ZSCAN25: variants seen among roughly 807,000 people sequenced by gnomAD.
The protein encoded by ZSCAN25 is zinc finger and SCAN domain-containing protein 25.
Under a neutral mutation model 38.7 loss-of-function variants are expected in ZSCAN25, and 27 were observed. That is an observed-to-expected ratio of 0.70 (90% CI 0.51 to 0.96). The LOEUF (loss-of-function observed/expected upper bound fraction) is 0.96. ZSCAN25 is among the 40% of genes least tolerant of loss of function. The pLI, the probability that ZSCAN25 is intolerant of heterozygous loss-of-function variation, is 0.00. For missense variants in ZSCAN25, 637 were observed against 705.9 expected (o/e 0.90, Z 1.11); for synonymous variants, 273 against 277.7 (o/e 0.98, Z 0.17).
At chr7:99,663,249 T>G in the ZSCAN25 span, 8 of 1,051,630 alleles carry the variant, frequency 7.6e-6, no homozygotes, top group Non-Finnish European at 9.2e-6. Flanking sequence ...ACCTTTTTCT[T>G]CAGCAGTGTC....
rs74743540 is a variant in ZSCAN25, at chr7:99,625,794, C to T, written c.805+1614C>T. On this transcript the variant is annotated intron_variant, in intron 7 of 7. Coordinates refer to ENST00000394152, the MANE Select transcript of ZSCAN25 (RefSeq NM_145115.3). ...GACTGTTCTGGAGACTGGTTCTGTC[C>T]TTGTCCCCTCACCAGCTCAGTGTCT... 4.3e-3 allele frequency among the ~76,000 whole-genome samples: 654 copies of T among 152,274 alleles called. 7 individuals are homozygous for T. The highest frequency in any genetic ancestry group is 0.015 in the African/African-American group (617 of 41,546).
the ZSCAN25 span, chr7:99,666,774 T>C: frequency 6.2e-7 from 1 of 1,605,386 alleles, no homozygotes; most frequent in Non-Finnish European, 8.5e-7. Context: ...CATGGAGCAG[T>C]AAGTGACATT....
the ZSCAN25 span, among the ~76,000 whole-genome samples, chr7:99,707,184 C>T: frequency 6.6e-6 from 1 of 152,158 alleles, no homozygotes; most frequent in African/African-American, 2.4e-5. Flanking sequence ...TTGGTTGGAG[C>T]TAGGCACCTG....
the ZSCAN25 span, chr7:99,672,854 C>A: frequency 2.1e-6 from 3 of 1,415,854 alleles, no homozygotes; most frequent in Middle Eastern, 1.9e-4. Flanking sequence ...AAGAGTCTCA[C>A]ACAGGAGCCA....
the ZSCAN25 span, among the ~76,000 whole-genome samples, chr7:99,712,443 CA>C: frequency 6.6e-6 from 1 of 152,130 alleles, no homozygotes; most frequent in Non-Finnish European, 1.5e-5. Flanking sequence ...AAATTTTATT[CA>C]ATTAAACTTA....
chr7:99,718,186 T>C, the ZSCAN25 span, among the ~76,000 whole-genome samples: 1 of 152,094 alleles, frequency 6.6e-6, no homozygotes, highest in African/African-American at 2.4e-5. Context: ...GATGAGTTAA[T>C]GAGTACAGCA....
chr7:99,711,590 G>T, the ZSCAN25 span, among the ~76,000 whole-genome samples: 1 of 152,276 alleles, frequency 6.6e-6, no homozygotes. Flanking sequence ...CCAACATGGA[G>T]AAACCCCTTC....
At chr7:99,675,294 A>G in the ZSCAN25 span, among the ~76,000 whole-genome samples, 27 of 152,362 alleles carry the variant, frequency 1.8e-4, no homozygotes, top group Admixed American at 1.3e-3. Context: ...TTCAGCTGTG[A>G]TGTTTTAACC....
intron 3 of ZSCAN25, 22 bp from the exon 4 acceptor site, chr7:99,619,539 A>G: frequency 6.6e-7 from 1 of 1,514,148 alleles, no homozygotes; most frequent in Non-Finnish European, 8.9e-7. Context: ...CTGACCTTTC[A>G]TGTGTCTCTT....
At chr7:99,667,116 T>C in the ZSCAN25 span, 5 of 1,527,484 alleles carry the variant, frequency 3.3e-6, no homozygotes, top group Non-Finnish European at 4.5e-6. Flanking sequence ...GTGATCTTCA[T>C]GGTTGCACAA....
chr7:99,717,672 A>C, the ZSCAN25 span: 1 of 1,611,384 alleles, frequency 6.2e-7, no homozygotes, highest in Non-Finnish European at 8.5e-7. Context: ...TTTGTCCTAC[A>C]TCAGTTGTGG....
At chr7:99,636,270 T>C (rs1327191127), downstream of ZSCAN25, among the ~76,000 whole-genome samples, 1 of 152,192 alleles carries the variant, frequency 6.6e-6, no homozygotes, top group African/African-American at 2.4e-5. Flanking sequence ...TTCTTAGATG[T>C]GTTTATTAGC....
chr7:99,646,917 A>G, the ZSCAN25 span, among the ~76,000 whole-genome samples: 6 of 151,522 alleles, frequency 4.0e-5, no homozygotes, highest in Admixed American at 3.9e-4. Flanking sequence ...TCATCTGTCT[A>G]TCTATCCATC....
the ZSCAN25 span, chr7:99,714,716 C>G: frequency 6.2e-7 from 1 of 1,602,458 alleles, no homozygotes; most frequent in Non-Finnish European, 8.5e-7. Context: ...AAAACGAAAC[C>G]ATTGTGAACA....
chr7:99,660,455 A>G, the ZSCAN25 span: 1 of 1,538,172 alleles, frequency 6.5e-7, no homozygotes, highest in Non-Finnish European at 8.7e-7. Context: ...CATTTTTGCT[A>G]AGGCTTCACC....
rs778370086 is a variant in ZSCAN25, at chr7:99,629,424, C to G, written c.1039C>G (p.Pro347Ala). The change falls in exon 8 of 8, where the codon CCT (proline) becomes GCT (alanine). Residue 347 changes from proline (P) to alanine (A), a missense_variant. Pro to Ala is a conservative substitution (Grantham distance 27). Coordinates refer to ENST00000394152, the MANE Select transcript of ZSCAN25 (RefSeq NM_145115.3). This position sits in a 1 kb window ranked among gnomAD's most constrained non-coding sequence, Gnocchi z 5.6. The stretch of plus-strand genomic sequence containing the variant: ...CAAAACCCACAGCTCCTTCTGGAAG[C>G]CTTTCCAGTGCCCTGAGTGTGGGAA... ...EVKTHSSFWK[P>A]FQCPECGKGF... 6.2e-7 allele frequency: 1 copy of G among 1,614,106 alleles called. No homozygotes were observed. The highest frequency in any genetic ancestry group is 1.3e-5 in the African/African-American group (1 of 74,942).
the ZSCAN25 span, chr7:99,722,375 C>T: frequency 1.9e-6 from 3 of 1,610,834 alleles, no homozygotes; most frequent in Admixed American, 3.3e-5. Flanking sequence ...AATAATATTT[C>T]ATTATTATTT....
the ZSCAN25 span, among the ~76,000 whole-genome samples, chr7:99,658,358 A>T: frequency 6.6e-6 from 1 of 152,102 alleles, no homozygotes; most frequent in Non-Finnish European, 1.5e-5. Flanking sequence ...TTTGGCTGGA[A>T]ATGAAATTCT....
the ZSCAN25 span, among the ~76,000 whole-genome samples, chr7:99,686,873 CA>C: frequency 6.6e-6 from 1 of 152,140 alleles, no homozygotes; most frequent in Non-Finnish European, 1.5e-5. Context: ...GTTCTACAGC[CA>C]CTGCTGTTCT....
Sources: gnomAD v4.1 joint callset for allele counts (sites outside exome capture counted in the v4.1 genomes callset) on GRCh38, gnomAD v4.1.1 for gene constraint, Gnocchi (gnomAD v3.1) non-coding constraint, MANE v1.5 for transcripts, NCBI Gene and HGNC (gene_info 2026-07-23, HGNC 2026-07-21) for gene names.